The following USH2A variants were observed in gnomAD, a reference collection of about 807,000 sequenced individuals.
The protein encoded by USH2A is Usher syndrome 2A (autosomal recessive, mild).
USH2A carries 443 observed loss-of-function variants against 538.9 expected under a neutral mutation model. The observed-to-expected ratio is 0.82, with a 90% CI of 0.76 to 0.89. The LOEUF (loss-of-function observed/expected upper bound fraction) is 0.89. Among genes scored for constraint, USH2A ranks in the 40% least tolerant of loss-of-function variants. The pLI, the probability that USH2A is intolerant of heterozygous loss-of-function variation, is 0.00. For missense variants in USH2A, 6,633 were observed against 6,324.8 expected (o/e 1.05, Z -1.65); for synonymous variants, 2,413 against 2,273.5 (o/e 1.06, Z -1.75).
intron 41 of USH2A, among the ~76,000 whole-genome samples, chr1:215,879,909 G>A (rs745358429): frequency 8.5e-5 from 13 of 152,132 alleles, no homozygotes; most frequent in Non-Finnish European, 1.8e-4. Flanking sequence ...TTATTTACAT[G>A]TTATCCTCTT....
intron 21 of USH2A, among the ~76,000 whole-genome samples, chr1:216,171,095 C>A (rs2034269110): frequency 6.6e-6 from 1 of 151,908 alleles, no homozygotes; most frequent in Non-Finnish European, 1.5e-5. Flanking sequence ...CACTAAATTT[C>A]TTAAATTATT....
rs569007377 is a variant in USH2A at position 216,292,392 on chromosome 1, C to T, written c.1645-22G>A. ...CACACTAGAACAAAAAATATCAGAA[C>T]AGTAAAGAAAATAAAGCTGTGATTT... On this transcript the variant is annotated intron_variant, in intron 9 of 71. Transcript: ENST00000307340. The T allele has an allele frequency of 5.0e-6, 8 of 1,610,812 alleles. No homozygotes were observed. The South Asian group carries it at 7.7e-5, about 16-fold the overall frequency.
chr1:215,992,702 T>C (rs1668029737), intron 35 of USH2A, among the ~76,000 whole-genome samples: 1 of 152,168 alleles, frequency 6.6e-6, no homozygotes, highest in Admixed American at 6.5e-5. Flanking sequence ...CAGAAAGTCA[T>C]TGAAAATACA....
intron 11 of USH2A, among the ~76,000 whole-genome samples, chr1:216,268,145 C>T (rs1378563074): frequency 6.6e-6 from 1 of 152,052 alleles, no homozygotes. Context: ...TCTGTGGCTG[C>T]AGTCCTGCCT....
Position 216,025,001 on chromosome 1 carries a change from T to C in USH2A, c.6325+21430A>G, listed in dbSNP as rs1011078051. ...AGATTGAGCTACTTATAAGAAGAAC[T>C]AATTTAGGTAAATACTAAAGTTTCA... is the stretch of plus-strand genomic sequence containing the variant. On this transcript the variant is annotated intron_variant, in intron 32 of 71. Transcript: ENST00000307340. 2.0e-5 allele frequency among the ~76,000 whole-genome samples: 3 copies of C among 151,972 alleles called. No individual in the cohort carries two copies. The South Asian group carries it at 6.2e-4, about 31-fold the overall frequency.
intron 3 of USH2A, among the ~76,000 whole-genome samples, chr1:216,413,261 G>A (rs1424605695): frequency 6.6e-6 from 1 of 152,046 alleles, no homozygotes; most frequent in Non-Finnish European, 1.5e-5. Flanking sequence ...AATATGGGTT[G>A]AGATTCTCTT....
intron 41 of USH2A, among the ~76,000 whole-genome samples, chr1:215,884,818 T>C (rs1665005588): frequency 6.6e-6 from 1 of 152,104 alleles, no homozygotes; most frequent in South Asian, 2.1e-4. Flanking sequence ...GCTACACATG[T>C]TTGTGGTCTG....
Position 216,387,202 on chromosome 1 carries a change from C to A in USH2A, c.652-22117G>T, listed in dbSNP as rs375392514. 9.9e-5 allele frequency among the ~76,000 whole-genome samples: 15 copies of A among 152,264 alleles called. 1 individual carries two copies. The highest frequency in any genetic ancestry group is 3.9e-4 in the Admixed American group (6 of 15,298). On this transcript the variant is annotated intron_variant, in intron 3 of 71. Transcript: ENST00000307340. ...ACACTGGAAATACTTCTGAAACTTACCAACTTGATAAATAAATTGGTTACA... is the reference window on the plus strand; with the variant it reads ...ACACTGGAAATACTTCTGAAACTTAACAACTTGATAAATAAATTGGTTACA...
chr1:216,048,443 G>C lies in USH2A; in HGVS notation c.6163+91C>G, dbSNP rs1482517699. On this transcript the variant is annotated intron_variant, in intron 31 of 71. Transcript: ENST00000307340. ...TTGTCATCAAATTAGGTTGGGGTTT[G>C]CCAGCAAATGGCCTTGTAGCATTTA... is the stretch of plus-strand genomic sequence containing the variant. 4.6e-6 allele frequency: 6 copies of C among 1,313,330 alleles called. No homozygotes were observed. The African/African-American group carries it at 8.7e-5, about 19-fold the overall frequency. The allele number at this position is 1,313,330 out of a possible 1,614,324, so 81.4% of individuals were successfully genotyped here. A position where few individuals can be genotyped will look rare whatever the true frequency, so the allele number is the denominator to read the frequency against.
intron 49 of USH2A, among the ~76,000 whole-genome samples, chr1:215,805,280 A>T (rs1272571367): frequency 1.8e-5 from 2 of 108,648 alleles, no homozygotes; most frequent in Non-Finnish European, 4.3e-5. Context: ...AACTTAAAGT[A>T]TAATAAAAAA....
At chr1:216,035,052 G>A (rs1462094852) in intron 32 of USH2A, among the ~76,000 whole-genome samples, 2 of 152,134 alleles carry the variant, frequency 1.3e-5, no homozygotes, top group African/African-American at 4.8e-5. Flanking sequence ...ACTGTCATGG[G>A]CCATATCCAT....
chr1:215,961,005 T>C (rs1229955830), intron 37 of USH2A, among the ~76,000 whole-genome samples: 2 of 152,082 alleles, frequency 1.3e-5, no homozygotes, highest in African/African-American at 2.4e-5. Context: ...TTTGTTGCCA[T>C]TTTACACACC....
At chr1:215,885,135 A>G (rs1665013633) in intron 41 of USH2A, among the ~76,000 whole-genome samples, 1 of 151,946 alleles carries the variant, frequency 6.6e-6, no homozygotes, top group African/African-American at 2.4e-5. Flanking sequence ...ACTTTATCCC[A>G]TTTAAGTACC....
Position 215,993,169 on chromosome 1 carries a change from T to C in USH2A, c.6658-2A>G. 1 of 1,614,038 alleles carries C rather than the reference T, an allele frequency of 6.2e-7. No homozygotes were observed. The highest frequency in any genetic ancestry group is 8.5e-7 in the Non-Finnish European group (1 of 1,179,966). Reference sequence around the variant, plus strand: ...TGTGCACCCACCACCTGTGCAAGCCTAAACAGAGATGCAAAAATGCTCATT... The same window carrying C: ...TGTGCACCCACCACCTGTGCAAGCCCAAACAGAGATGCAAAAATGCTCATT... On this transcript the variant is annotated splice_acceptor_variant, in intron 34 of 71. Transcript: ENST00000307340. LOFTEE classifies it high-confidence loss of function.
rs1558071945 is a variant in USH2A, at chr1:215,728,025, CTT to C, written c.12066+3_12066+4del. The stretch of plus-strand genomic sequence containing the variant: ...CATGTCTGTTACTTTTCTAAAGGGT[CTT>C]ACCTTCACTGTGAAAGCATGCACGG... On this transcript the variant is annotated splice_donor_region_variant and intron_variant, in intron 61 of 71. Transcript: ENST00000307340. 6.2e-7 allele frequency: 1 copy of C among 1,613,690 alleles called. No homozygotes were observed. Among genetic ancestry groups the C allele is most frequent in the South Asian group, 1.1e-5 (1 of 91,076 alleles).
At chr1:216,149,724 GA>G (rs1425751479) in intron 21 of USH2A, among the ~76,000 whole-genome samples, 1 of 152,086 alleles carries the variant, frequency 6.6e-6, no homozygotes, top group African/African-American at 2.4e-5. Flanking sequence ...GCCTACTCCA[GA>G]TCCCCAGCCA....
chr1:215,973,658 T>TCTTC (rs57850812), intron 35 of USH2A, among the ~76,000 whole-genome samples: 9 of 109,334 alleles, frequency 8.2e-5, no homozygotes, highest in African/African-American at 1.2e-4. Flanking sequence ...TTCTTCTTCT[T>TCTTC]TTTTTTTTTT....
chr1:216,210,758 G>A (rs905838422), intron 15 of USH2A, among the ~76,000 whole-genome samples: 6 of 151,850 alleles, frequency 4.0e-5, no homozygotes, highest in Admixed American at 6.6e-5. Context: ...CGAGGCGGGC[G>A]GATCACGAGG....
intron 9 of USH2A, among the ~76,000 whole-genome samples, chr1:216,308,745 G>T (rs1448757000): frequency 2.0e-5 from 3 of 152,042 alleles, no homozygotes; most frequent in Non-Finnish European, 4.4e-5. Flanking sequence ...TATATTATGA[G>T]ATGCATGTAA....
Sources: allele counts gnomAD v4.1 joint callset (sites outside exome capture counted in the v4.1 genomes callset), GRCh38; gene constraint gnomAD v4.1.1; transcripts MANE v1.5; gene names NCBI Gene and HGNC (gene_info 2026-07-23, HGNC 2026-07-21).